Variants in PLCB4 observed in about 807,000 individuals in gnomAD.
PLCB4 encodes phospholipase C beta 4, also known as 1-phosphatidylinositol 4,5-bisphosphate phosphodiesterase beta-4.
Under a neutral mutation model 178.8 loss-of-function variants are expected in PLCB4, and 77 were observed. The observed-to-expected ratio is 0.43, with a 90% CI of 0.36 to 0.52. The LOEUF is 0.52. Among genes scored for constraint, PLCB4 ranks in the 20% least tolerant of loss-of-function variants. The pLI is 0.00. For missense variants in PLCB4, 1,024 were observed against 1,453.4 expected (o/e 0.70, Z 4.80); for synonymous variants, 496 against 490.8 (o/e 1.01, Z -0.14).
chr20:9,118,750 A>G (rs900964090), intron 2 of PLCB4, among the ~76,000 whole-genome samples: 4 of 152,206 alleles, frequency 2.6e-5, no homozygotes, highest in Non-Finnish European at 4.4e-5. Context: ...TTTATTTAGC[A>G]TGTGTAAGTA....
intron 39 of PLCB4, among the ~76,000 whole-genome samples, chr20:9,477,278 A>G (rs182641444): frequency 6.6e-6 from 1 of 152,290 alleles, no homozygotes; most frequent in East Asian, 1.9e-4. Flanking sequence ...CATATAATTT[A>G]TTGTCCATAC....
Position 9,311,534 on chromosome 20 carries a change from C to G in PLCB4, c.84+3636C>G, listed in dbSNP as rs527547797. Among the ~76,000 whole-genome samples, 5 of 152,228 alleles carry G rather than the reference C, an allele frequency of 3.3e-5. No homozygotes were observed. In the South Asian group the frequency reaches 1.0e-3, roughly 32 times the overall value. On this transcript the variant is annotated intron_variant, in intron 4 of 39. Transcript: ENST00000378473. ...CCTCTCCTCCATCAAGATTCCTGTT[C>G]CTGTTTCCTTTATTTTATTTTAATC...
At chr20:9,290,401 G>A (rs1442883652) in intron 3 of PLCB4, among the ~76,000 whole-genome samples, 1 of 152,062 alleles carries the variant, frequency 6.6e-6, no homozygotes, top group Non-Finnish European at 1.5e-5. Context: ...TGAACTCTTT[G>A]GAATCGCTTC....
intron 19 of PLCB4, among the ~76,000 whole-genome samples, chr20:9,398,351 T>C (rs2038765218): frequency 1.3e-5 from 2 of 152,202 alleles, no homozygotes; most frequent in Admixed American, 6.5e-5. Flanking sequence ...ATGCCTACTA[T>C]ATTTTTTCAC....
chr20:9,379,853 A>G (rs2036991255), intron 12 of PLCB4, among the ~76,000 whole-genome samples: 1 of 152,144 alleles, frequency 6.6e-6, no homozygotes, highest in Non-Finnish European at 1.5e-5. Flanking sequence ...GTTCAGGGAG[A>G]GTAACCCAAA....
chr20:9,474,196 G>A (rs919407514), intron 38 of PLCB4, among the ~76,000 whole-genome samples: 1 of 148,878 alleles, frequency 6.7e-6, no homozygotes, highest in Non-Finnish European at 1.5e-5. Flanking sequence ...CAGCCTGAGC[G>A]ACAGAGTGAC....
chr20:9,170,970 G>A (rs559706301), intron 2 of PLCB4, among the ~76,000 whole-genome samples: 3 of 152,260 alleles, frequency 2.0e-5, no homozygotes, highest in South Asian at 4.1e-4. Flanking sequence ...AGTTGTTTAG[G>A]GGCTGTAAAG....
intron 28 of PLCB4, among the ~76,000 whole-genome samples, chr20:9,431,650 T>TTGTGTGTG (rs3037096): frequency 0.011 from 1,619 of 144,244 alleles, 17 homozygotes; most frequent in African/African-American, 0.028. Context: ...GTGTGTGTGT[T>TTGTGTGTG]TGTGTGTGTG....
chr20:9,343,469 C>T (rs66755645), intron 7 of PLCB4, among the ~76,000 whole-genome samples: 10,730 of 152,094 alleles, frequency 0.071, 418 homozygotes, highest in African/African-American at 0.096. Flanking sequence ...TTATCTGAAA[C>T]CTGAGTTTCT....
At chr20:9,110,199 G>GT (rs920432710) in intron 2 of PLCB4, among the ~76,000 whole-genome samples, 26 of 148,350 alleles carry the variant, frequency 1.8e-4, no homozygotes, top group East Asian at 7.8e-4. Flanking sequence ...GTCTGGAATT[G>GT]TTTTTTTTTT....
intron 6 of PLCB4, 57 bp from the exon 7 acceptor site, chr20:9,338,837 T>A: frequency 7.4e-7 from 1 of 1,354,816 alleles, no homozygotes. Context: ...CCACGTTTCT[T>A]CCTCCATGCT....
At chr20:9,270,959 TCC>T (rs1386830076) in intron 3 of PLCB4, among the ~76,000 whole-genome samples, 1 of 152,158 alleles carries the variant, frequency 6.6e-6, no homozygotes, top group Non-Finnish European at 1.5e-5. Context: ...CAGCCTTTCT[TCC>T]AGACAAATTT....
Position 9,260,179 on chromosome 20 carries a change from T to C in PLCB4, c.-16+42727T>C, listed in dbSNP as rs8123241. 7.9e-3 allele frequency among the ~76,000 whole-genome samples: 1,197 copies of C among 152,148 alleles called. 18 individuals are homozygous for C. Among genetic ancestry groups the C allele is most frequent in the African/African-American group, 0.028 (1,151 of 41,536 alleles). On this transcript the variant is annotated intron_variant, in intron 3 of 39. Transcript: ENST00000378473. ...CAGTTTCAAAGGGCTATTTGTAAAG[T>C]ATATGAAAAGCATGAGGAATACTAT...
intron 4 of PLCB4, among the ~76,000 whole-genome samples, chr20:9,327,208 G>A (rs191237715): frequency 5.9e-4 from 90 of 152,214 alleles, no homozygotes; most frequent in South Asian, 1.2e-3. Flanking sequence ...GGAGGCTGAG[G>A]CAGGAGGACT....
intron 38 of PLCB4, among the ~76,000 whole-genome samples, chr20:9,474,000 G>T (rs1178449356): frequency 2.0e-5 from 3 of 152,066 alleles, no homozygotes; most frequent in Non-Finnish European, 2.9e-5. Context: ...GGGTGGATCA[G>T]GAGGTCAGGA....
intron 2 of PLCB4, among the ~76,000 whole-genome samples, chr20:9,145,287 C>T (rs971642231): frequency 2.0e-5 from 3 of 152,062 alleles, no homozygotes; most frequent in Non-Finnish European, 2.9e-5. Context: ...TGGAGTGAAT[C>T]CTTCACTCTC....
intron 2 of PLCB4, among the ~76,000 whole-genome samples, chr20:9,115,425 T>A (rs2091740560): frequency 6.7e-6 from 1 of 148,990 alleles, no homozygotes; most frequent in Non-Finnish European, 1.5e-5. Context: ...TTTTTAAAAC[T>A]TCTTCTTCTT....
chr20:9,156,238 A>T (rs534701432), intron 2 of PLCB4, among the ~76,000 whole-genome samples: 15 of 152,312 alleles, frequency 9.8e-5, no homozygotes, highest in African/African-American at 3.1e-4. Context: ...CTCCTCATCC[A>T]TAAAATGGGC....
chr20:9,413,658 C>CAA (rs869124730), intron 25 of PLCB4, among the ~76,000 whole-genome samples: 8 of 67,352 alleles, frequency 1.2e-4, no homozygotes, highest in African/African-American at 2.1e-4. Context: ...GACTCCATCT[C>CAA]AAAAAAAAAA....
Sources: gnomAD v4.1 joint callset for allele counts (sites outside exome capture counted in the v4.1 genomes callset) on GRCh38, gnomAD v4.1.1 for gene constraint, MANE v1.5 for transcripts, NCBI Gene and HGNC (gene_info 2026-07-23, HGNC 2026-07-21) for gene names.